The following DIS3L2 variants were observed in gnomAD, a reference collection of about 807,000 sequenced individuals.
DIS3L2 encodes DIS3-like exonuclease 2.
Under a neutral mutation model 97.5 loss-of-function variants are expected in DIS3L2, and 34 were observed. The ratio of observed to expected loss-of-function variants is 0.35; its 90% CI spans 0.27 to 0.46. The LOEUF (loss-of-function observed/expected upper bound fraction) is 0.46, where lower values mean the gene tolerates loss of function less well. DIS3L2 is among the 20% of genes least tolerant of loss of function. The pLI, the probability that DIS3L2 is intolerant of heterozygous loss-of-function variation, is 1.00. For synonymous variants in DIS3L2, 435 were observed against 445.2 expected (o/e 0.98, Z 0.29); for missense variants, 1,038 against 1,146.0 (o/e 0.91, Z 1.36).
chr2:232,129,800 C>G (rs867379420), intron 6 of DIS3L2, among the ~76,000 whole-genome samples: 1 of 152,174 alleles, frequency 6.6e-6, no homozygotes, highest in Non-Finnish European at 1.5e-5. Flanking sequence ...GAGGCTCCCA[C>G]GTAAATTGGT....
intron 6 of DIS3L2, among the ~76,000 whole-genome samples, chr2:232,093,604 G>A (rs1696910855): frequency 1.3e-5 from 2 of 152,012 alleles, no homozygotes; most frequent in African/African-American, 4.8e-5. Context: ...TTTCTTCATG[G>A]TTCAATCTTG....
chr2:232,323,860 G>T (rs11884775), intron 14 of DIS3L2, among the ~76,000 whole-genome samples: 30,120 of 150,394 alleles, frequency 0.2, 3,111 homozygotes, highest in African/African-American at 0.32. Flanking sequence ...CCCCCTCCCC[G>T]ACCCAGGCAA....
downstream of DIS3L2, chr2:232,337,290 C>A (rs147304639): frequency 4.4e-4 from 332 of 752,854 alleles, no homozygotes; most frequent in African/African-American, 5.9e-3. Flanking sequence ...ACCAGCTCCG[C>A]AGGGCCTGGT....
chr2:232,220,843 C>T (rs1692482490), intron 10 of DIS3L2, among the ~76,000 whole-genome samples: 2 of 152,092 alleles, frequency 1.3e-5, no homozygotes. Context: ...TGGCTCATTC[C>T]TGTAATCCCA....
At chr2:232,235,388 G>T (rs1283837307) in intron 10 of DIS3L2, among the ~76,000 whole-genome samples, 3 of 152,142 alleles carry the variant, frequency 2.0e-5, no homozygotes, top group Non-Finnish European at 4.4e-5. Flanking sequence ...CAAGAGTTCT[G>T]CAAGTTCACA....
intron 5 of DIS3L2, among the ~76,000 whole-genome samples, chr2:232,051,541 G>A (rs1016674009): frequency 6.6e-6 from 1 of 152,030 alleles, no homozygotes; most frequent in Non-Finnish European, 1.5e-5. Context: ...GGCTGGGCGC[G>A]GTGGCTCACG....
intron 1 of DIS3L2, among the ~76,000 whole-genome samples, chr2:231,996,221 G>C (rs1693726698): frequency 1.3e-5 from 2 of 152,184 alleles, no homozygotes; most frequent in Non-Finnish European, 2.9e-5. Context: ...TTTTTCTCAG[G>C]AAGAATGACT....
intron 9 of DIS3L2, among the ~76,000 whole-genome samples, chr2:232,170,907 C>T (rs947245783): frequency 6.6e-6 from 1 of 152,180 alleles, no homozygotes; most frequent in Non-Finnish European, 1.5e-5. Flanking sequence ...ATAATACTAA[C>T]CTCTTTCAGG....
intron 14 of DIS3L2, among the ~76,000 whole-genome samples, chr2:232,304,162 G>T (rs1473066365): frequency 6.8e-6 from 1 of 146,006 alleles, no homozygotes; most frequent in Admixed American, 6.8e-5. Context: ...GTGGTGACTG[G>T]TTTTTTTTTT....
intron 14 of DIS3L2, 23 bp from the exon 15 acceptor site, chr2:232,329,790 C>CGGGGGCAACAA: frequency 3.2e-6 from 1 of 315,338 alleles, no homozygotes; most frequent in East Asian, 9.0e-5. Flanking sequence ...AGCGGTCCCT[C>CGGGGGCAACAA]CCATCCCACC....
chr2:232,066,881 CTTA>C (rs768781159), intron 5 of DIS3L2, among the ~76,000 whole-genome samples: 47 of 151,960 alleles, frequency 3.1e-4, no homozygotes, highest in Non-Finnish European at 8.8e-5. Flanking sequence ...ATTTAGGGGA[CTTA>C]TTCATTTCAT....
At chr2:232,190,145 T>G (rs1691568724) in intron 9 of DIS3L2, among the ~76,000 whole-genome samples, 2 of 151,726 alleles carry the variant, frequency 1.3e-5, no homozygotes, top group Non-Finnish European at 2.9e-5. Flanking sequence ...CTGGGCAACA[T>G]GATGAGACCC....
chr2:232,252,850 A>G (rs1273749907), intron 12 of DIS3L2, among the ~76,000 whole-genome samples: 2 of 152,092 alleles, frequency 1.3e-5, no homozygotes, highest in Admixed American at 6.5e-5. Flanking sequence ...GCAGTGAGCC[A>G]TGATCACGCC....
intron 3 of DIS3L2, among the ~76,000 whole-genome samples, chr2:232,022,227 C>T (rs143091246): frequency 3.3e-5 from 5 of 152,276 alleles, no homozygotes; most frequent in Non-Finnish European, 5.9e-5. Flanking sequence ...TCTGCATTCC[C>T]TCAAGGGCTC....
chr2:232,281,288 A>G lies in DIS3L2; in HGVS notation c.1659+17848A>G, dbSNP rs1392511525. Among the ~76,000 whole-genome samples, 1 of 152,212 alleles carries G rather than the reference A, an allele frequency of 6.6e-6. No homozygotes were observed. Among genetic ancestry groups the G allele is most frequent in the South Asian group, 2.1e-4 (1 of 4,822 alleles). Reference sequence around the variant, plus strand: ...GTGGCGGGCGCCTGTGGTCCCAGCTATTTGGGAGGCTGAGGCAGGAGAAGG... The same window carrying G: ...GTGGCGGGCGCCTGTGGTCCCAGCTGTTTGGGAGGCTGAGGCAGGAGAAGG... On this transcript the variant is annotated intron_variant, in intron 13 of 20. Transcript: ENST00000325385. The surrounding 1 kb of genome is among the most constrained non-coding windows in gnomAD (Gnocchi z 4.1).
At chr2:232,324,011 T>C (rs1284213910) in intron 14 of DIS3L2, among the ~76,000 whole-genome samples, 1 of 152,084 alleles carries the variant, frequency 6.6e-6, no homozygotes, top group Admixed American at 6.6e-5. Flanking sequence ...AATTCAGTGC[T>C]CCGTAGACCC....
At chr2:232,053,353 A>G (rs1192709341) in intron 5 of DIS3L2, among the ~76,000 whole-genome samples, 1 of 152,212 alleles carries the variant, frequency 6.6e-6, no homozygotes, top group African/African-American at 2.4e-5. Flanking sequence ...TACATGTCTA[A>G]AAGGAAACAC....
intron 16 of DIS3L2, among the ~76,000 whole-genome samples, chr2:232,332,791 C>T (rs546092719): frequency 1.4e-4 from 22 of 152,272 alleles, no homozygotes; most frequent in African/African-American, 4.1e-4. Flanking sequence ...GGAGTATTGG[C>T]GAGCACAGAG....
chr2:232,257,763 C>T (rs1211812032), intron 12 of DIS3L2, among the ~76,000 whole-genome samples: 2 of 152,166 alleles, frequency 1.3e-5, no homozygotes, highest in East Asian at 1.9e-4. Context: ...GAATAATTTT[C>T]AAAGGAAGTG....
Sources: allele counts gnomAD v4.1 joint callset (sites outside exome capture counted in the v4.1 genomes callset), GRCh38; gene constraint gnomAD v4.1.1; non-coding constraint Gnocchi (gnomAD v3.1); transcripts MANE v1.5; gene names NCBI Gene and HGNC (gene_info 2026-07-23, HGNC 2026-07-21).